The following EML2 variants were observed in gnomAD, a reference collection of about 807,000 sequenced individuals.
EML2 encodes EMAP like 2.
EML2 carries 59 observed loss-of-function variants against 84.7 expected under a neutral mutation model. That is an observed-to-expected ratio of 0.70 (90% CI 0.56 to 0.86). The LOEUF (loss-of-function observed/expected upper bound fraction) is 0.86, where lower values mean the gene tolerates loss of function less well. Among genes scored for constraint, EML2 ranks in the 40% least tolerant of loss-of-function variants. The probability of loss-of-function intolerance (pLI) is 0.00; values close to 1 mark genes in which losing one functional copy is unlikely to be tolerated. For missense variants in EML2, 818 were observed against 855.6 expected (o/e 0.96, Z 0.55); for synonymous variants, 352 against 348.9 (o/e 1.01, Z -0.10).
intron 8 of EML2, among the ~76,000 whole-genome samples, chr19:45,625,385 C>G (rs1000190817): frequency 6.6e-6 from 1 of 152,138 alleles, no homozygotes; most frequent in African/African-American, 2.4e-5. Flanking sequence ...GGATTACAGG[C>G]GCCCACCATC....
At chr19:45,625,991 G>A (rs967628382) in intron 8 of EML2, among the ~76,000 whole-genome samples, 1 of 149,534 alleles carries the variant, frequency 6.7e-6, no homozygotes, top group Non-Finnish European at 1.5e-5. Context: ...GTCCTCCCAC[G>A]TCAGCCTCCC....
upstream of EML2, chr19:45,645,330 G>C (rs1039342423): frequency 3.0e-5 from 46 of 1,532,130 alleles, no homozygotes; most frequent in Non-Finnish European, 3.5e-5. Flanking sequence ...GCCGGGCCGC[G>C]CTCCGCCATC....
intron 1 of EML2, 145 bp from the exon 2 acceptor site, chr19:45,639,018 G>A (rs1328358019): frequency 1.0e-6 from 1 of 977,146 alleles, no homozygotes; most frequent in East Asian, 2.4e-5. Context: ...CTCTCTGCAG[G>A]CCGTGTGCTT....
intron 16 of EML2, 56 bp downstream of exon 16, chr19:45,615,746 G>T: frequency 6.8e-7 from 1 of 1,464,174 alleles, no homozygotes. Context: ...CCAGAACTCA[G>T]GGAAGTCTGC....
chr19:45,621,749 C>A, intron 9 of EML2, 112 bp from the exon 10 acceptor site: 1 of 1,240,598 alleles, frequency 8.1e-7, no homozygotes, highest in Non-Finnish European at 1.1e-6. Context: ...CACTTTTCCA[C>A]CTTTTTTTTT....
chr19:45,624,824 G>C lies in EML2; in HGVS notation c.742-6C>G. 6.2e-7 allele frequency: 1 copy of C among 1,605,854 alleles called. No homozygotes were observed. Among genetic ancestry groups the C allele is most frequent in the Non-Finnish European group, 8.5e-7 (1 of 1,175,270 alleles). ...TACTTCGGTTTCTCATGTTTCTAAG[G>C]TGGGGGAGGAAAGGAAGGTGTCAGA... On this transcript the variant is annotated splice_polypyrimidine_tract_variant and splice_region_variant and intron_variant, in intron 8 of 18. Transcript: ENST00000245925.
upstream of EML2, chr19:45,642,049 G>A (rs1222845918): frequency 5.5e-6 from 8 of 1,442,666 alleles, no homozygotes; most frequent in Non-Finnish European, 6.3e-6. Flanking sequence ...ACACTGGAGG[G>A]ATGGGGTTAG....
intron 13 of EML2, among the ~76,000 whole-genome samples, chr19:45,617,225 G>A (rs148537522): frequency 0.014 from 2,047 of 151,182 alleles, 41 homozygotes; most frequent in African/African-American, 0.04. Flanking sequence ...CAGTCTGGGC[G>A]ACAGAGCAAG....
upstream of EML2, chr19:45,641,663 T>G: frequency 6.5e-7 from 1 of 1,536,152 alleles, no homozygotes; most frequent in Non-Finnish European, 8.7e-7. Flanking sequence ...GCGCTACAGT[T>G]GCTGCTGGAG....
rs761643376 is a variant in EML2 at position 45,634,375 on chromosome 19, G to A, written c.276C>T (p.Ser92=). 67 of 1,613,780 alleles carry A rather than the reference G, an allele frequency of 4.2e-5. No homozygotes were observed. The South Asian group carries it at 4.9e-4, about 12-fold the overall frequency. Residue 92 remains serine, a synonymous_variant, in exon 4 of 19, where the codon AGC becomes AGT. Transcript: ENST00000245925. The stretch of plus-strand genomic sequence containing the variant: ...AGTGTCGCTGCCTCTGCTCCTCCAC[G>A]CTGTATAGCACGGCTACGGAGGCCA... The part of the protein sequence containing the change: ...YFVASVAVLY[S]VEEQRQRHYL...
In EML2 at chr19:45,619,206, G is replaced by GGACAGCAGGATGGA. The variant is rs770096969; in HGVS notation, c.1123-29_1123-16dup. ...TCCACATGGCCCTGGTGGAAAGGGA[G>GGACAGCAGGATGGA]GACAGCAGGATGGAGACAGCAGCCC... On this transcript the variant is annotated splice_polypyrimidine_tract_variant and intron_variant, in intron 11 of 18. Coordinates refer to ENST00000245925, the MANE Select transcript of EML2 (RefSeq NM_012155.4). The GGACAGCAGGATGGA allele has an allele frequency of 3.2e-4, 517 of 1,606,222 alleles. No homozygotes were observed. Among genetic ancestry groups the GGACAGCAGGATGGA allele is most frequent in the Non-Finnish European group, 4.2e-4 (500 of 1,176,710 alleles).
At chr19:45,616,037 G>A in intron 15 of EML2, 148 bp from the exon 16 acceptor site, 2 of 662,768 alleles carry the variant, frequency 3.0e-6, no homozygotes, top group Non-Finnish European at 5.4e-6. Context: ...GGCCTTTGGA[G>A]TATGGGGGCA....
Position 45,626,814 on chromosome 19 carries a change from G to T in EML2, c.632C>A (p.Ala211Asp). ...VKCSNEAVLV[A>D]TFHPTDPTVL... ...AGTGGGGTCCGTGGGGTGGAAGGTG[G>T]CCACCAATACAGCCTCATTGGAGCA... The change falls in exon 8 of 19, where the codon GCC (alanine) becomes GAC (aspartate). Residue 211 changes from alanine to aspartate, a missense_variant. Physicochemically the swap from Ala to Asp is moderately radical, Grantham distance 126. Coordinates refer to ENST00000245925, the MANE Select transcript of EML2 (RefSeq NM_012155.4). The T allele has an allele frequency of 6.2e-7, 1 of 1,613,548 alleles. No individual in the cohort carries two copies.
Position 45,609,510 on chromosome 19 carries a change from G to C in EML2, c.*153C>G. The stretch of plus-strand genomic sequence containing the variant: ...CGATGTGACTCCCTCTTCCCACCCG[G>C]ATAAATAGAGACTTCTGTATGTCAG... On this transcript the variant is annotated 3_prime_UTR_variant, in exon 19 of 19. Coordinates refer to ENST00000245925, the MANE Select transcript of EML2 (RefSeq NM_012155.4). 1 of 849,078 alleles carries C rather than the reference G, an allele frequency of 1.2e-6. No homozygotes were observed. The highest frequency in any genetic ancestry group is 1.6e-6 in the Non-Finnish European group (1 of 618,844). 52.6% of individuals were successfully genotyped at this position (849,078 alleles called of 1,614,324 possible).
rs1974089817 is a variant in EML2, at chr19:45,638,835, C to T, written c.49+10G>A. 6.2e-7 allele frequency: 1 copy of T among 1,613,774 alleles called. No homozygotes were observed. Among genetic ancestry groups the T allele is most frequent in the Non-Finnish European group, 8.5e-7 (1 of 1,179,968 alleles). On this transcript the variant is annotated intron_variant, in intron 2 of 18. Transcript: ENST00000245925. The stretch of plus-strand genomic sequence containing the variant: ...GCTTCCACCGAGCCCTTCCCCATCT[C>T]CCCACTCACCCACACTGAAGATAAC...
Position 45,638,614 on chromosome 19 carries a change from A to T in EML2, c.70T>A (p.Phe24Ile), listed in dbSNP as rs2048253842. Residue 24 changes from phenylalanine to isoleucine, a missense_variant, in exon 3 of 19, where the codon TTC becomes ATC. Physicochemically the swap from Phe to Ile is conservative, Grantham distance 21. Coordinates refer to ENST00000245925, the MANE Select transcript of EML2 (RefSeq NM_012155.4). ...ATGGGCACAGGGCGGCCCCTCAGGA[A>T]CATTTTCACGGAGCCATCCTCTGCC... ...FSVEDGSVKM[F>I]LRGRPVPMMI... 1.2e-6 allele frequency: 2 copies of T among 1,613,890 alleles called. No homozygotes were observed. Among genetic ancestry groups the T allele is most frequent in the South Asian group, 2.2e-5 (2 of 91,080 alleles).
At chr19:45,617,787 T>C in intron 12 of EML2, 90 bp from the exon 13 acceptor site, 1 of 1,168,860 alleles carries the variant, frequency 8.6e-7, no homozygotes, top group East Asian at 2.5e-5. Context: ...GTCTAATCTT[T>C]GCATGAGGGC....
intron 6 of EML2, among the ~76,000 whole-genome samples, chr19:45,631,316 G>A (rs1972996574): frequency 6.6e-6 from 1 of 152,104 alleles, no homozygotes; most frequent in African/African-American, 2.4e-5. Context: ...TGCCTCTTAA[G>A]CTATCTGTGC....
intron 18 of EML2, 130 bp from the exon 19 acceptor site, chr19:45,609,918 A>G (rs1448062977): frequency 1.2e-5 from 13 of 1,122,060 alleles, no homozygotes; most frequent in Non-Finnish European, 1.6e-5. Flanking sequence ...CTTAGAGTGA[A>G]GTCACTTAGG....
Sources: gnomAD v4.1 joint callset for allele counts (sites outside exome capture counted in the v4.1 genomes callset) on GRCh38, gnomAD v4.1.1 for gene constraint, MANE v1.5 for transcripts, NCBI Gene and HGNC (gene_info 2026-07-23, HGNC 2026-07-21) for gene names.